Variants in MECOM observed in about 807,000 individuals in gnomAD.
MECOM encodes MDS1 and EVI1 complex locus.
MECOM carries 13 observed loss-of-function variants against 116.3 expected under a neutral mutation model. That is an observed-to-expected ratio of 0.11 (90% CI 0.07 to 0.18). The LOEUF (loss-of-function observed/expected upper bound fraction) is 0.18. Ranked by LOEUF, MECOM falls within the 10% of genes least tolerant of loss-of-function variation. The pLI, the probability that MECOM is intolerant of heterozygous loss-of-function variation, is 1.00. For missense variants in MECOM, 1,299 were observed against 1,509.0 expected, an observed-to-expected ratio of 0.86 and a Z score of 2.31; for synonymous variants, 528 against 535.2, an observed-to-expected ratio of 0.99 and a Z score of 0.19.
At chr3:169,438,181 T>TAC (rs1743017039) in intron 1 of MECOM, among the ~76,000 whole-genome samples, 1 of 152,212 alleles carries the variant, frequency 6.6e-6, no homozygotes, top group South Asian at 2.1e-4. Context: ...CCCTAAACTA[T>TAC]ACACCTTCTC....
At chr3:169,622,384 T>C (rs1770855776) in intron 1 of MECOM, among the ~76,000 whole-genome samples, 1 of 152,196 alleles carries the variant, frequency 6.6e-6, no homozygotes, top group Non-Finnish European at 1.5e-5. Flanking sequence ...TGAGCCACTG[T>C]GCCCAGCCGC....
chr3:169,219,656 G>A (rs1201164703), intron 2 of MECOM, among the ~76,000 whole-genome samples: 1 of 151,962 alleles, frequency 6.6e-6, no homozygotes, highest in Non-Finnish European at 1.5e-5. Flanking sequence ...ACATATGTAG[G>A]GGTGGGTGTG....
intron 1 of MECOM, among the ~76,000 whole-genome samples, chr3:169,620,501 C>T (rs1162674269): frequency 1.3e-5 from 2 of 152,110 alleles, no homozygotes; most frequent in Non-Finnish European, 2.9e-5. Context: ...TTCTATTGCC[C>T]TTTGATGCTT....
chr3:169,360,315 A>AAAC (rs1728039061), intron 2 of MECOM, among the ~76,000 whole-genome samples: 1 of 105,960 alleles, frequency 9.4e-6, no homozygotes. Flanking sequence ...AAAAAAAGTT[A>AAAC]CACCAAAAAA....
Position 169,594,154 on chromosome 3 carries a change from C to CAAAAAA in MECOM, c.37+69176_37+69181dup, listed in dbSNP as rs34331048. On this transcript the variant is annotated intron_variant, in intron 1 of 16. Coordinates refer to ENST00000651503, the MANE Select transcript of MECOM (RefSeq NM_004991.4). ...CTCAACGACAACACCACCACCACCA[C>CAAAAAA]AAAAAAAAAAAAAAAAAAAAAACAC... 3.2e-3 allele frequency among the ~76,000 whole-genome samples: 148 copies of CAAAAAA among 45,678 alleles called. 2 individuals carry two copies. The highest frequency in any genetic ancestry group is 0.016 in the African/African-American group (137 of 8,384). 30.0% of individuals were successfully genotyped at this position (45,678 alleles called of 152,430 possible). A position where few individuals can be genotyped will look rare whatever the true frequency, so the allele number is the denominator to read the frequency against.
At chr3:169,518,946 C>T (rs1757032017) in intron 1 of MECOM, among the ~76,000 whole-genome samples, 1 of 152,140 alleles carries the variant, frequency 6.6e-6, no homozygotes, top group Non-Finnish European at 1.5e-5. Context: ...GCCTCCCCAG[C>T]CATGTGGAAT....
chr3:169,267,577 GGGAT>G (rs1463731425), intron 2 of MECOM, among the ~76,000 whole-genome samples: 3 of 152,090 alleles, frequency 2.0e-5, no homozygotes, highest in Non-Finnish European at 4.4e-5. Flanking sequence ...CCTCACCCCT[GGGAT>G]GGAACATTAG....
chr3:169,312,903 G>A (rs1719072043), intron 2 of MECOM, among the ~76,000 whole-genome samples: 1 of 152,122 alleles, frequency 6.6e-6, no homozygotes, highest in Non-Finnish European at 1.5e-5. Flanking sequence ...ATCCAAGTAG[G>A]GCTGGCATTT....
At chr3:169,094,179 T>C (rs1301500879) in intron 13 of MECOM, among the ~76,000 whole-genome samples, 1 of 152,184 alleles carries the variant, frequency 6.6e-6, no homozygotes, top group Non-Finnish European at 1.5e-5. Flanking sequence ...ATAAATAATG[T>C]GCCTTTATAG....
chr3:169,426,120 T>C (rs1740633649), intron 1 of MECOM, among the ~76,000 whole-genome samples: 1 of 151,600 alleles, frequency 6.6e-6, no homozygotes, highest in Non-Finnish European at 1.5e-5. Flanking sequence ...AGCCATTATC[T>C]AGTAAAAATC....
At chr3:169,338,082 C>T (rs1369511148) in intron 2 of MECOM, among the ~76,000 whole-genome samples, 4 of 152,154 alleles carry the variant, frequency 2.6e-5, no homozygotes, top group Non-Finnish European at 5.9e-5. Flanking sequence ...GCGATATAAT[C>T]AGAGGGTGTT....
At chr3:169,152,089 C>A (rs1212436218) in intron 2 of MECOM, among the ~76,000 whole-genome samples, 2 of 152,062 alleles carry the variant, frequency 1.3e-5, no homozygotes, top group Non-Finnish European at 2.9e-5. Flanking sequence ...TTCTGTGATG[C>A]TTTGATCAGA....
At chr3:169,276,718 A>G (rs1759631136) in intron 2 of MECOM, among the ~76,000 whole-genome samples, 1 of 152,150 alleles carries the variant, frequency 6.6e-6, no homozygotes, top group African/African-American at 2.4e-5. Flanking sequence ...ACCCTTATCC[A>G]AGAAGGTACG....
intron 2 of MECOM, among the ~76,000 whole-genome samples, chr3:169,159,218 G>A (rs1444936723): frequency 6.6e-6 from 1 of 152,168 alleles, no homozygotes; most frequent in Non-Finnish European, 1.5e-5. Flanking sequence ...TTCTAGTTAT[G>A]TAATAGTGAG....
chr3:169,657,655 A>G (rs1775698960), intron 1 of MECOM, among the ~76,000 whole-genome samples: 1 of 152,228 alleles, frequency 6.6e-6, no homozygotes, highest in Admixed American at 6.5e-5. Context: ...GGTAGAAGCC[A>G]TTAGTTATAC....
At chr3:169,420,562 C>A (rs1335879954) in intron 1 of MECOM, among the ~76,000 whole-genome samples, 1 of 152,108 alleles carries the variant, frequency 6.6e-6, no homozygotes, top group Non-Finnish European at 1.5e-5. Flanking sequence ...TTATAGGAAG[C>A]CGGCCCCTAG....
chr3:169,611,790 T>C lies in MECOM; in HGVS notation c.37+51546A>G, dbSNP rs1183653517. Among the ~76,000 whole-genome samples, 1 of 152,222 alleles carries C rather than the reference T, an allele frequency of 6.6e-6. No homozygotes were observed. Among genetic ancestry groups the C allele is most frequent in the Non-Finnish European group, 1.5e-5 (1 of 68,036 alleles). On this transcript the variant is annotated intron_variant, in intron 1 of 16. Transcript: ENST00000651503. The surrounding 1 kb of genome is among the most constrained non-coding windows in gnomAD (Gnocchi z 4.1). ...TTCCTTATTCTCATTTTTATTCTTCTTTCTTCCCCCAGTCTGATAATTATG... is the reference window on the plus strand; with the variant it reads ...TTCCTTATTCTCATTTTTATTCTTCCTTCTTCCCCCAGTCTGATAATTATG...
At chr3:169,430,253 G>C (rs1004241758) in intron 1 of MECOM, among the ~76,000 whole-genome samples, 5 of 152,020 alleles carry the variant, frequency 3.3e-5, no homozygotes, top group Non-Finnish European at 7.4e-5. Flanking sequence ...GCCTGTCCTA[G>C]CTACTTAATT....
rs1014560406 is a variant in MECOM at position 169,084,000 on chromosome 3, G to A, written c.*909C>T. 30 of 230,408 alleles carry A rather than the reference G, an allele frequency of 1.3e-4. No homozygotes were observed. Among genetic ancestry groups the A allele is most frequent in the African/African-American group, 6.2e-4 (28 of 45,320 alleles). The allele number at this position is 230,408 out of a possible 1,614,324, so 14.3% of individuals were successfully genotyped here. On this transcript the variant is annotated 3_prime_UTR_variant, in exon 17 of 17. Coordinates refer to ENST00000651503, the MANE Select transcript of MECOM (RefSeq NM_004991.4). ...CACCATTTGGCACTCTCATACACAG[G>A]TCGGGTCACCTTGGTCCTTGAAATT...
Sources: allele counts gnomAD v4.1 joint callset (sites outside exome capture counted in the v4.1 genomes callset), GRCh38; gene constraint gnomAD v4.1.1; non-coding constraint Gnocchi (gnomAD v3.1); transcripts MANE v1.5; gene names NCBI Gene and HGNC (gene_info 2026-07-23, HGNC 2026-07-21).